RAP1A: variants seen among roughly 807,000 people sequenced by gnomAD.
RAP1A encodes the protein RAP1A, member of RAS oncogene family.
Under a neutral mutation model 26.4 loss-of-function variants are expected in RAP1A, and 6 were observed. That is an observed-to-expected ratio of 0.23 (90% CI 0.12 to 0.45). The LOEUF (loss-of-function observed/expected upper bound fraction) is 0.45. RAP1A is among the 20% of genes least tolerant of loss of function. The probability of loss-of-function intolerance (pLI) is 0.99; values close to 1 mark genes in which losing one functional copy is unlikely to be tolerated. For missense variants in RAP1A, 121 were observed against 217.2 expected (o/e 0.56, Z 2.78); for synonymous variants, 73 against 79.4 (o/e 0.92, Z 0.43).
At chr1:111,611,442 C>T (rs1418880253) in intron 1 of RAP1A, among the ~76,000 whole-genome samples, 2 of 152,100 alleles carry the variant, frequency 1.3e-5, no homozygotes, top group East Asian at 1.9e-4. Flanking sequence ...GAATAAAAAG[C>T]TCCACTTCAG....
intron 1 of RAP1A, among the ~76,000 whole-genome samples, chr1:111,665,203 A>G (rs1366609207): frequency 6.6e-6 from 1 of 152,208 alleles, no homozygotes; most frequent in Non-Finnish European, 1.5e-5. Context: ...TAGCTGGATA[A>G]TAGTTTGAAA....
intron 1 of RAP1A, among the ~76,000 whole-genome samples, chr1:111,636,604 C>A (rs754271579): frequency 2.0e-5 from 3 of 151,820 alleles, no homozygotes; most frequent in Admixed American, 6.6e-5. Flanking sequence ...CTGCCTCAGC[C>A]TTCTGAGTAG....
chr1:111,669,026 G>GAAAAAAAAAA (rs58557062), intron 1 of RAP1A, among the ~76,000 whole-genome samples: 3 of 19,758 alleles, frequency 1.5e-4, no homozygotes, highest in African/African-American at 4.2e-4. Flanking sequence ...CCTATCTCAA[G>GAAAAAAAAAA]AAAAAAAAAA....
In RAP1A at chr1:111,716,441, C is replaced by A. The variant is rs769835800; in HGVS notation, c.*4040C>A. ...CTTGCTTAAATATTCTTGTTGAGAA[C>A]AGCTGGAGGCTTTGACTGGGTTCCT... On this transcript the variant is annotated 3_prime_UTR_variant, in exon 8 of 8. Coordinates refer to ENST00000369709, the MANE Select transcript of RAP1A (RefSeq NM_002884.4). 1 of 152,198 alleles carries A rather than the reference C, an allele frequency of 6.6e-6. No individual in the cohort carries two copies. Among genetic ancestry groups the A allele is most frequent in the Non-Finnish European group, 1.5e-5 (1 of 68,052 alleles). The allele number at this position is 152,198 out of a possible 1,614,324, so 9.4% of individuals were successfully genotyped here.
At chr1:111,618,971 A>G (rs751045199), upstream of RAP1A, among the ~76,000 whole-genome samples, 48 of 152,298 alleles carry the variant, frequency 3.2e-4, no homozygotes, top group Middle Eastern at 6.8e-3. Context: ...ACTTTTAACA[A>G]CATGAATCAG....
chr1:111,591,658 AT>A (rs1163681449), intron 1 of RAP1A, among the ~76,000 whole-genome samples: 2 of 152,334 alleles, frequency 1.3e-5, no homozygotes, highest in East Asian at 3.9e-4. Context: ...AACCGATCAG[AT>A]AACATGATCT....
At chr1:111,643,379 T>C (rs1294546875) in intron 1 of RAP1A, among the ~76,000 whole-genome samples, 2 of 152,202 alleles carry the variant, frequency 1.3e-5, no homozygotes, top group Non-Finnish European at 1.5e-5. Flanking sequence ...GTCTTTTCTT[T>C]CTTGGACATT....
At chr1:111,706,582 C>CT in intron 6 of RAP1A, 1 of 360,342 alleles carries the variant, frequency 2.8e-6, no homozygotes, top group African/African-American at 2.2e-5. Context: ...TTTGCTGAGG[C>CT]TGGAATAGTA....
At chr1:111,700,998 T>C (rs1308364620) in intron 4 of RAP1A, among the ~76,000 whole-genome samples, 1 of 152,222 alleles carries the variant, frequency 6.6e-6, no homozygotes, top group African/African-American at 2.4e-5. Context: ...CCTGCTTCTC[T>C]TCTTCACCCC....
At chr1:111,549,104 A>C (rs1337652024) in intron 1 of RAP1A, among the ~76,000 whole-genome samples, 1 of 152,190 alleles carries the variant, frequency 6.6e-6, no homozygotes, top group Non-Finnish European at 1.5e-5. Flanking sequence ...AGATTTGTAC[A>C]TCCATATTCA....
At chr1:111,682,504 C>CAAA (rs375059165) in intron 1 of RAP1A, among the ~76,000 whole-genome samples, 2 of 113,708 alleles carry the variant, frequency 1.8e-5, no homozygotes, top group Admixed American at 9.0e-5. Flanking sequence ...AATGGAAAGC[C>CAAA]AAAAAAAAAA....
chr1:111,611,540 G>A (rs1364761045), intron 1 of RAP1A, among the ~76,000 whole-genome samples: 1 of 152,142 alleles, frequency 6.6e-6, no homozygotes, highest in Non-Finnish European at 1.5e-5. Flanking sequence ...TATAAAAATA[G>A]CTAATAGTTT....
intron 3 of RAP1A, 127 bp from the exon 4 acceptor site, chr1:111,697,314 A>G (rs1661865432): frequency 2.0e-6 from 3 of 1,534,294 alleles, no homozygotes; most frequent in Middle Eastern, 1.8e-4. Context: ...ACCCCCAGCC[A>G]TTACAGCATA....
chr1:111,634,164 A>G (rs968211655), intron 1 of RAP1A, among the ~76,000 whole-genome samples: 4 of 152,216 alleles, frequency 2.6e-5, no homozygotes, highest in African/African-American at 9.6e-5. Flanking sequence ...TGGCTGTTTA[A>G]TCAGTAAAAT....
rs538421226 is a variant in RAP1A at position 111,558,158 on chromosome 1, TA to T, written c.-28+15655del. ...AATAAACAGACCAAACTCTTTGGGT[TA>T]AAAAAGTCAATATGGAAATTTTTTT... On this transcript the variant is annotated intron_variant, in intron 1 of 7. Coordinates refer to the RAP1A transcript ENST00000356415. Among the ~76,000 whole-genome samples, 301 of 152,280 alleles carry T rather than the reference TA, an allele frequency of 2.0e-3. 2 individuals are homozygous for T. The highest frequency in any genetic ancestry group is 7.1e-3 in the African/African-American group (295 of 41,562).
intron 1 of RAP1A, among the ~76,000 whole-genome samples, chr1:111,596,931 T>C (rs1658573704): frequency 6.6e-6 from 1 of 152,256 alleles, no homozygotes; most frequent in African/African-American, 2.4e-5. Flanking sequence ...AAACATTCAT[T>C]CTATAGCATA....
At chr1:111,691,313 A>T (rs1553226718) in intron 1 of RAP1A, 21 bp from the exon 2 acceptor site, 1 of 1,531,262 alleles carries the variant, frequency 6.5e-7, no homozygotes, top group Non-Finnish European at 9.0e-7. Context: ...TTAATCTTTG[A>T]TTTTTTTGTT....
At chr1:111,684,908 C>T (rs1048388750) in intron 1 of RAP1A, among the ~76,000 whole-genome samples, 3 of 152,162 alleles carry the variant, frequency 2.0e-5, no homozygotes, top group African/African-American at 4.8e-5. Context: ...GCAACCAAAA[C>T]AGCATGGTAC....
chr1:111,562,592 A>G (rs990640434), intron 1 of RAP1A, among the ~76,000 whole-genome samples: 9 of 152,240 alleles, frequency 5.9e-5, no homozygotes, highest in African/African-American at 2.2e-4. Context: ...CTTGTGTCCC[A>G]TAAACATCCC....
Sources: allele counts gnomAD v4.1 joint callset (sites outside exome capture counted in the v4.1 genomes callset), GRCh38; gene constraint gnomAD v4.1.1; transcripts MANE v1.5; gene names NCBI Gene and HGNC (gene_info 2026-07-23, HGNC 2026-07-21).